The following C6orf141 variants were observed in gnomAD, a reference collection of about 807,000 sequenced individuals.
C6orf141 encodes the protein uncharacterized protein C6orf141.
For missense variants in C6orf141, 361 were observed against 335.8 expected (o/e 1.07, Z -0.59); for synonymous variants, 164 against 140.5 (o/e 1.17, Z -1.18).
Position 49,551,388 on chromosome 6 carries a change from G to C in C6orf141, c.596G>C (p.Arg199Thr), listed in dbSNP as rs1770510280. ...FVTALTFRSS[R>T]EGQPGERWGP... ...ACCGCGCTCACTTTTCGCAGCAGTA[G>C]AGAGGGACAGCCTGGGGAACGCTGG... The change falls in exon 1 of 1, where the codon AGA (arginine) becomes ACA (threonine). Residue 199 changes from arginine to threonine, a missense_variant. Physicochemically the swap from Arg to Thr is moderately conservative, Grantham distance 71. Transcript: ENST00000529246. 1.3e-6 allele frequency: 2 copies of C among 1,551,542 alleles called. No homozygotes were observed. Among genetic ancestry groups the C allele is most frequent in the Non-Finnish European group, 1.7e-6 (2 of 1,146,996 alleles).
At chr6:49,559,891 A>C (rs963482180) in intron 4 of C6orf141, among the ~76,000 whole-genome samples, 3 of 152,186 alleles carry the variant, frequency 2.0e-5, no homozygotes, top group African/African-American at 7.2e-5. Flanking sequence ...CCCTAAGCCA[A>C]CCTATGGACT....
At chr6:49,557,207 G>A (rs111801766) in intron 4 of C6orf141, among the ~76,000 whole-genome samples, 7,158 of 152,158 alleles carry the variant, frequency 0.047, 292 homozygotes, top group African/African-American at 0.11. Context: ...AGCTGAGATC[G>A]CGCCATTGCA....
chr6:49,553,783 G>GT (rs58250338), downstream of C6orf141, among the ~76,000 whole-genome samples: 2 of 150,602 alleles, frequency 1.3e-5, no homozygotes, highest in African/African-American at 2.4e-5. Context: ...TTCATAGAGG[G>GT]TTTTTTTTTT....
intron 4 of C6orf141, among the ~76,000 whole-genome samples, chr6:49,558,247 C>A (rs1420893267): frequency 6.6e-6 from 1 of 151,738 alleles, no homozygotes; most frequent in African/African-American, 2.4e-5. Flanking sequence ...CTGTTTAACT[C>A]TGTCCCATGC....
At chr6:49,554,703 AT>A (rs201567900), downstream of C6orf141, among the ~76,000 whole-genome samples, 27 of 149,142 alleles carry the variant, frequency 1.8e-4, no homozygotes, top group East Asian at 1.2e-3. Flanking sequence ...ATTTTAAGTG[AT>A]TTTTTTTTTC....
At chr6:49,557,995 G>C (rs1379155277) in intron 4 of C6orf141, among the ~76,000 whole-genome samples, 2 of 149,480 alleles carry the variant, frequency 1.3e-5, no homozygotes, top group Non-Finnish European at 1.5e-5. Flanking sequence ...GGGTTCAAGT[G>C]ATTTTCCTGC....
downstream of C6orf141, among the ~76,000 whole-genome samples, chr6:49,554,348 A>G (rs1771322422): frequency 6.6e-6 from 1 of 152,248 alleles, no homozygotes; most frequent in African/African-American, 2.4e-5. Context: ...TAGTCAAGTT[A>G]GCTTAACTCC....
At chr6:49,557,323 T>C (rs1772147445) in intron 4 of C6orf141, among the ~76,000 whole-genome samples, 1 of 152,020 alleles carries the variant, frequency 6.6e-6, no homozygotes, top group Admixed American at 6.6e-5. Flanking sequence ...CTCCCCAAAA[T>C]AGAACAAACA....
intron 4 of C6orf141, among the ~76,000 whole-genome samples, chr6:49,559,307 G>C (rs1490241969): frequency 6.8e-6 from 1 of 147,724 alleles, no homozygotes; most frequent in Non-Finnish European, 1.5e-5. Context: ...TAAAATTCTG[G>C]AAGATTTAGT....
In C6orf141 at chr6:49,551,549, C is replaced by A; in HGVS notation, c.*22C>A. On this transcript the variant is annotated 3_prime_UTR_variant, in exon 1 of 1. Transcript: ENST00000529246. ...CTAATGAGTAGCTCGAGAAATGTTC[C>A]GGGATGGTGGATGAGCGATCATCCT... is the stretch of plus-strand genomic sequence containing the variant. 6.5e-7 allele frequency: 1 copy of A among 1,546,602 alleles called. No individual in the cohort carries two copies. Among genetic ancestry groups the A allele is most frequent in the South Asian group, 1.2e-5 (1 of 83,554 alleles).
At chr6:49,561,616 T>G (rs1167159499) in intron 4 of C6orf141, 1 of 152,256 alleles carries the variant, frequency 6.6e-6, no homozygotes, top group African/African-American at 2.4e-5. Context: ...TTATTTTTGA[T>G]AAGTGTTAAT....
Position 49,551,030 on chromosome 6 carries a change from G to T in C6orf141, c.238G>T (p.Asp80Tyr). The change falls in exon 1 of 1, where the codon GAC (aspartate) becomes TAC (tyrosine). Residue 80 changes from aspartate to tyrosine, a missense_variant. Asp to Tyr is a radical substitution (Grantham distance 160, BLOSUM62 -3). Coordinates refer to ENST00000529246, the MANE Select transcript of C6orf141 (RefSeq NM_001145652.2). Reference sequence around the variant, plus strand: ...CGGACCTCGGGCCGGGGAGGAATTGGACCGTGAGTCCTGGGTCAGAGAGAA... The same window carrying T: ...CGGACCTCGGGCCGGGGAGGAATTGTACCGTGAGTCCTGGGTCAGAGAGAA... ...ALGPRAGEELDRESWVREKVL... is the reference protein window; with the variant it reads ...ALGPRAGEELYRESWVREKVL... 1 of 1,551,508 alleles carries T rather than the reference G, an allele frequency of 6.4e-7. No individual in the cohort carries two copies. The highest frequency in any genetic ancestry group is 8.7e-7 in the Non-Finnish European group (1 of 1,146,948).
rs1479589632 is a variant in C6orf141, at chr6:49,551,952, T to C, written c.*425T>C. 1 of 1,013,526 alleles carries C rather than the reference T, an allele frequency of 9.9e-7. No individual in the cohort carries two copies. The highest frequency in any genetic ancestry group is 1.7e-5 in the African/African-American group (1 of 57,460). 62.8% of individuals were successfully genotyped at this position (1,013,526 alleles called of 1,614,324 possible). On this transcript the variant is annotated 3_prime_UTR_variant, in exon 1 of 1. Transcript: ENST00000529246. ...GGTGGGAGTGGGTGGAGAAGAGGCT[T>C]GTTTTAAAAGCCAAAAACAGAAAGT...
chr6:49,551,112 G>T lies in C6orf141; in HGVS notation c.320G>T (p.Arg107Leu). 1 of 1,551,700 alleles carries T rather than the reference G, an allele frequency of 6.4e-7. No homozygotes were observed. The change falls in exon 1 of 1, where the codon CGG (arginine) becomes CTG (leucine). Residue 107 changes from arginine (R) to leucine (L), a missense_variant. Transcript: ENST00000529246. ...TTAGGGACTCGAGGGGACCCTGCAC[G>T]GGAAGAGGTGGCCGGTGCAGAGGAC... Reference protein sequence around the residue: ...RWLGTRGDPAREEVAGAEDLP... With the variant: ...RWLGTRGDPALEEVAGAEDLP...
Position 49,551,853 on chromosome 6 carries a change from TCC to T in C6orf141, c.*329_*330del. 1 of 1,164,138 alleles carries T rather than the reference TCC, an allele frequency of 8.6e-7. No homozygotes were observed. Among genetic ancestry groups the T allele is most frequent in the Non-Finnish European group, 1.1e-6 (1 of 931,794 alleles). 72.1% of individuals were successfully genotyped at this position (1,164,138 alleles called of 1,614,324 possible). On this transcript the variant is annotated 3_prime_UTR_variant, in exon 1 of 1. Coordinates refer to ENST00000529246, the MANE Select transcript of C6orf141 (RefSeq NM_001145652.2). ...AACTCTCAATTGATCTCTTTTCTGTTCCCCGCCCCCCTCTTGTTTCTCTTTAG... is the reference window on the plus strand; with the variant it reads ...AACTCTCAATTGATCTCTTTTCTGTTCCGCCCCCCTCTTGTTTCTCTTTAG...
At position 49,551,309 on chromosome 6, in the gene C6orf141, C is replaced by G. The variant is rs1770467663; in HGVS notation, c.517C>G (p.Gln173Glu). 6.4e-7 allele frequency: 1 copy of G among 1,551,706 alleles called. No individual in the cohort carries two copies. Among genetic ancestry groups the G allele is most frequent in the Non-Finnish European group, 8.7e-7 (1 of 1,147,008 alleles). The stretch of plus-strand genomic sequence containing the variant: ...TTATCAGGTAACACAAGAAGTGTTG[C>G]AGACCTCCTGGGCCAAGGGTCGCAT... ...EDYQVTQEVLQTSWAKGRMTT... is the reference protein window; with the variant it reads ...EDYQVTQEVLETSWAKGRMTT... Residue 173 changes from glutamine to glutamate, a missense_variant, in exon 1 of 1, where the codon CAG becomes GAG. Transcript: ENST00000529246.
At chr6:49,559,575 C>T (rs1016501641) in intron 4 of C6orf141, among the ~76,000 whole-genome samples, 2 of 151,982 alleles carry the variant, frequency 1.3e-5, no homozygotes, top group African/African-American at 4.8e-5. Flanking sequence ...CTTTAGACTG[C>T]GTGACTTGTT....
chr6:49,560,109 T>C (rs752951443), intron 4 of C6orf141, among the ~76,000 whole-genome samples: 1 of 151,786 alleles, frequency 6.6e-6, no homozygotes, highest in Non-Finnish European at 1.5e-5. Context: ...AGGTCTGGAG[T>C]TCGAAACCAG....
rs946806334 is a variant in C6orf141, at chr6:49,552,088, G to A, written c.*561G>A. The A allele has an allele frequency of 1.8e-5, 6 of 336,418 alleles. No individual in the cohort carries two copies. The highest frequency in any genetic ancestry group is 2.2e-5 in the Non-Finnish European group (5 of 225,740). The allele number at this position is 336,418 out of a possible 1,614,324, so 20.8% of individuals were successfully genotyped here. A position where few individuals can be genotyped will look rare whatever the true frequency, so the allele number is the denominator to read the frequency against. On this transcript the variant is annotated 3_prime_UTR_variant, in exon 1 of 1. Transcript: ENST00000529246. ...TTAGAAAGAAAACGAGAGGAGCTAG[G>A]GAAAGAAGGAGTTGGGGACAGAAGA...
Sources: allele counts gnomAD v4.1 joint callset (sites outside exome capture counted in the v4.1 genomes callset), GRCh38; gene constraint gnomAD v4.1.1; transcripts MANE v1.5; gene names NCBI Gene and HGNC (gene_info 2026-07-23, HGNC 2026-07-21).